TRIM13: variants seen among roughly 807,000 people sequenced by gnomAD.
The protein encoded by TRIM13 is tripartite motif containing 13.
Under a neutral mutation model 27.1 loss-of-function variants are expected in TRIM13, and 15 were observed. The ratio of observed to expected loss-of-function variants is 0.55; its 90% confidence interval spans 0.37 to 0.85. The LOEUF (loss-of-function observed/expected upper bound fraction) is 0.85. TRIM13 is among the 40% of genes least tolerant of loss of function. TRIM13 has a pLI of 0.00. For missense variants in TRIM13, 402 were observed against 472.2 expected (o/e 0.85, Z 1.38); for synonymous variants, 193 against 171.5 (o/e 1.13, Z -0.98).
Position 50,006,460 on chromosome 13 carries a change from G to A in TRIM13, c.-6-5475G>A, listed in dbSNP as rs181205988. On this transcript the variant is annotated intron_variant, in intron 1 of 1. Transcript: ENST00000378182. ...GGAAGTATTAACATTGCAAGGATGAGTAAATTAGGTTTCTTTTATTGAGTG... is the reference window on the plus strand; with the variant it reads ...GGAAGTATTAACATTGCAAGGATGAATAAATTAGGTTTCTTTTATTGAGTG... Among the ~76,000 whole-genome samples the A allele has an allele frequency of 2.0e-5, 3 of 152,274 alleles. No individual in the cohort carries two copies. In the East Asian group the frequency reaches 5.8e-4, roughly 29 times the overall value.
rs773177374 is a variant in TRIM13, at chr13:50,012,415, T to G, written c.475T>G (p.Ser159Ala). 1.2e-6 allele frequency: 2 copies of G among 1,614,118 alleles called. No homozygotes were observed. The highest frequency in any genetic ancestry group is 1.7e-6 in the Non-Finnish European group (2 of 1,180,016). ...FETWRRGDAL[S>A]RLDTLETSKR... Reference sequence around the variant, plus strand: ...GACCTGGCGTCGGGGAGATGCTCTTTCTCGCTTGGATACCTTGGAAACTAG... The same window carrying G: ...GACCTGGCGTCGGGGAGATGCTCTTGCTCGCTTGGATACCTTGGAAACTAG... Residue 159 changes from serine to alanine, a missense_variant, in exon 2 of 2, where the codon TCT becomes GCT. Physicochemically the swap from Ser to Ala is moderately conservative, Grantham distance 99. Coordinates refer to ENST00000378182, the MANE Select transcript of TRIM13 (RefSeq NM_213590.3).
At chr13:50,009,076 G>A (rs1165578365) in intron 1 of TRIM13, among the ~76,000 whole-genome samples, 3 of 145,298 alleles carry the variant, frequency 2.1e-5, no homozygotes, top group South Asian at 2.2e-4. Flanking sequence ...TTGTACTGTC[G>A]ATATTTACTC....
chr13:50,000,884 C>T (rs1873945580), intron 1 of TRIM13: 1 of 152,104 alleles, frequency 6.6e-6, no homozygotes, highest in Non-Finnish European at 1.5e-5. Context: ...GAGACCTATC[C>T]TCTACACAGA....
At chr13:49,999,361 C>T (rs919185420) in intron 1 of TRIM13, among the ~76,000 whole-genome samples, 1 of 152,134 alleles carries the variant, frequency 6.6e-6, no homozygotes, top group Non-Finnish European at 1.5e-5. Flanking sequence ...ACCCCAAACC[C>T]GGAGACCCTC....
chr13:50,003,939 A>T lies in TRIM13; in HGVS notation c.-7+6176A>T, dbSNP rs539829583. Among the ~76,000 whole-genome samples, 6 of 152,338 alleles carry T rather than the reference A, an allele frequency of 3.9e-5. No individual in the cohort carries two copies. The South Asian group carries it at 6.2e-4, about 16-fold the overall frequency. On this transcript the variant is annotated intron_variant, in intron 1 of 1. Coordinates refer to ENST00000378182, the MANE Select transcript of TRIM13 (RefSeq NM_213590.3). ...TACCACCTTTCTGGATACTTTAAAA[A>T]GTTGTCAGCTTTTAAAATTGTTGGT...
At position 50,015,939 on chromosome 13, in the gene TRIM13, C is replaced by A. The variant is rs142559163; in HGVS notation, c.*2775C>A. On this transcript the variant is annotated 3_prime_UTR_variant, in exon 2 of 2. Transcript: ENST00000378182. ...ACAGTGTTTACAGAACAACCTTCAG[C>A]GCCGACCTGGAATGGTAACTTTTTC... The A allele has an allele frequency of 1.9e-6, 3 of 1,613,916 alleles. No individual in the cohort carries two copies. The highest frequency in any genetic ancestry group is 2.7e-5 in the African/African-American group (2 of 74,884).
At chr13:50,007,308 G>C (rs1048072509) in intron 1 of TRIM13, among the ~76,000 whole-genome samples, 3 of 151,546 alleles carry the variant, frequency 2.0e-5, no homozygotes, top group Non-Finnish European at 4.4e-5. Context: ...GTCCAAGATG[G>C]TGAAACCCCG....
chr13:50,009,526 C>T (rs1462843870), intron 1 of TRIM13, among the ~76,000 whole-genome samples: 1 of 152,054 alleles, frequency 6.6e-6, no homozygotes, highest in Non-Finnish European at 1.5e-5. Context: ...CACCTGAGGT[C>T]AGGAGTTCAA....
chr13:50,015,086 AAAAAAAAAATATATATATAT>A lies in TRIM13; in HGVS notation c.*1924_*1943del, dbSNP rs1876241157. On this transcript the variant is annotated 3_prime_UTR_variant, in exon 2 of 2. Transcript: ENST00000378182. ...TCCCCTCCCAGTAATAAAAAAAAAAAAAAAAAAAATATATATATATATATATATATATATATATATATATA... is the reference window on the plus strand; with the variant it reads ...TCCCCTCCCAGTAATAAAAAAAAAAAATATATATATATATATATATATATA... The A allele has an allele frequency of 1.8e-5, 1 of 56,800 alleles. No homozygotes were observed. Among genetic ancestry groups the A allele is most frequent in the African/African-American group, 8.1e-5 (1 of 12,348 alleles). 3.5% of individuals were successfully genotyped at this position (56,800 alleles called of 1,614,324 possible).
Position 50,015,948 on chromosome 13 carries a change from G to C in TRIM13, c.*2784G>C. On this transcript the variant is annotated 3_prime_UTR_variant, in exon 2 of 2. Transcript: ENST00000378182. Reference sequence around the variant, plus strand: ...ACAGAACAACCTTCAGCGCCGACCTGGAATGGTAACTTTTTCCCTCCTCAG... The same window carrying C: ...ACAGAACAACCTTCAGCGCCGACCTCGAATGGTAACTTTTTCCCTCCTCAG... 6.2e-7 allele frequency: 1 copy of C among 1,614,078 alleles called. No individual in the cohort carries two copies. The highest frequency in any genetic ancestry group is 8.5e-7 in the Non-Finnish European group (1 of 1,179,958).
At position 50,011,986 on chromosome 13, in the gene TRIM13, CTGTT is replaced by C. The variant is rs1456097945; in HGVS notation, c.49_52del (p.Phe17MetfsTer17). On this transcript the variant is annotated frameshift_variant, in exon 2 of 2. Coordinates refer to ENST00000378182, the MANE Select transcript of TRIM13 (RefSeq NM_213590.3). LOFTEE classifies it high-confidence loss of function. Reference sequence around the variant, plus strand: ...TCTCACATGCCCTATTTGTTGTAGTCTGTTTGATGATCCACGGGTTTTGCCTTGC... The same window carrying C: ...TCTCACATGCCCTATTTGTTGTAGTCTGATGATCCACGGGTTTTGCCTTGC... The C allele has an allele frequency of 2.5e-6, 4 of 1,613,476 alleles. No individual in the cohort carries two copies. The highest frequency in any genetic ancestry group is 2.2e-5 in the East Asian group (1 of 44,850).
intron 1 of TRIM13, among the ~76,000 whole-genome samples, chr13:49,999,290 C>A (rs1217861879): frequency 6.6e-6 from 1 of 152,126 alleles, no homozygotes; most frequent in Non-Finnish European, 1.5e-5. Context: ...TCAAACCAGT[C>A]CCCTGGGCCC....
intron 1 of TRIM13, among the ~76,000 whole-genome samples, chr13:49,999,553 T>A (rs1158898701): frequency 6.6e-6 from 1 of 152,134 alleles, no homozygotes; most frequent in African/African-American, 2.4e-5. Context: ...ATTTTTAAAT[T>A]TTTTTCCAAG....
chr13:50,005,242 A>G (rs999979193), intron 1 of TRIM13, among the ~76,000 whole-genome samples: 3 of 152,118 alleles, frequency 2.0e-5, no homozygotes, highest in Non-Finnish European at 4.4e-5. Flanking sequence ...TTTATTTATG[A>G]TATTAAAGGC....
At position 50,015,095 on chromosome 13, in the gene TRIM13, ATATATATATATATATATATAT is replaced by A. The variant is rs1876311392; in HGVS notation, c.*1932_*1952del. On this transcript the variant is annotated 3_prime_UTR_variant, in exon 2 of 2. Transcript: ENST00000378182. Reference sequence around the variant, plus strand: ...AGTAATAAAAAAAAAAAAAAAAAAAATATATATATATATATATATATATATATATATATATATATATATATA... The same window carrying A: ...AGTAATAAAAAAAAAAAAAAAAAAAAATATATATATATATATATATATATA... 1.8e-4 allele frequency: 3 copies of A among 16,706 alleles called. No individual in the cohort carries two copies. Among genetic ancestry groups the A allele is most frequent in the African/African-American group, 9.7e-4 (3 of 3,088 alleles). 1.0% of individuals were successfully genotyped at this position (16,706 alleles called of 1,614,324 possible). A position where few individuals can be genotyped will look rare whatever the true frequency, so the allele number is the denominator to read the frequency against.
At chr13:50,009,462 C>A (rs571593006) in intron 1 of TRIM13, among the ~76,000 whole-genome samples, 1 of 151,848 alleles carries the variant, frequency 6.6e-6, no homozygotes, top group Non-Finnish European at 1.5e-5. Context: ...CACGGCCAGG[C>A]GCGGTGGCTC....
intron 1 of TRIM13, among the ~76,000 whole-genome samples, chr13:50,009,736 C>CAAA (rs35561642): frequency 7.6e-4 from 77 of 101,048 alleles, no homozygotes; most frequent in East Asian, 2.2e-3. Flanking sequence ...GACTCCGTCT[C>CAAA]AAAAAAAAAA....
In TRIM13 at chr13:50,007,789, A is replaced by C. The variant is rs1175717211; in HGVS notation, c.-6-4146A>C. Among the ~76,000 whole-genome samples, 261 of 152,080 alleles carry C rather than the reference A, an allele frequency of 1.7e-3. 1 individual carries two copies. Among genetic ancestry groups the C allele is most frequent in the Middle Eastern group, 0.01 (3 of 294 alleles). On this transcript the variant is annotated intron_variant, in intron 1 of 1. Coordinates refer to ENST00000378182, the MANE Select transcript of TRIM13 (RefSeq NM_213590.3). ...AAGAGTGAGACTTAGTCTCAAAAAA[A>C]AAAAAAAAAGCCATAAACTAATTAA...
At chr13:50,004,252 G>GT (rs753822762) in intron 1 of TRIM13, among the ~76,000 whole-genome samples, 1 of 152,154 alleles carries the variant, frequency 6.6e-6, no homozygotes, top group Non-Finnish European at 1.5e-5. Context: ...GAGCTCAGGA[G>GT]TTTGAGACCA....
Sources: gnomAD v4.1 joint callset for allele counts (sites outside exome capture counted in the v4.1 genomes callset) on GRCh38, gnomAD v4.1.1 for gene constraint, MANE v1.5 for transcripts, NCBI Gene and HGNC (gene_info 2026-07-23, HGNC 2026-07-21) for gene names.